Variants in CSMD3 observed in about 807,000 individuals in gnomAD.
CSMD3 encodes CUB and Sushi multiple domains 3, also known as CUB and sushi domain-containing protein 3.
Under a neutral mutation model 435.2 loss-of-function variants are expected in CSMD3, and 177 were observed. That is an observed-to-expected ratio of 0.41 (90% CI 0.36 to 0.46). The LOEUF is 0.46. Among genes scored for constraint, CSMD3 ranks in the 20% least tolerant of loss-of-function variants. The pLI is 0.34. For missense variants in CSMD3, 4,265 were observed against 4,504.6 expected, an observed-to-expected ratio of 0.95 and a Z score of 1.52; for synonymous variants, 1,656 against 1,520.5, an observed-to-expected ratio of 1.09 and a Z score of -2.07.
chr8:112,739,182 T>A (rs1465728789), intron 13 of CSMD3, among the ~76,000 whole-genome samples: 1 of 151,790 alleles, frequency 6.6e-6, no homozygotes, highest in East Asian at 1.9e-4. Flanking sequence ...AATAATAGAA[T>A]TTGAAATAGA....
chr8:113,230,024 C>A (rs758644431), intron 3 of CSMD3, among the ~76,000 whole-genome samples: 1 of 151,570 alleles, frequency 6.6e-6, no homozygotes, highest in Non-Finnish European at 1.5e-5. Context: ...AAAGAAAAAT[C>A]ATCAAGAGAT....
chr8:112,695,901 A>C (rs931799368), intron 13 of CSMD3, among the ~76,000 whole-genome samples: 3 of 152,210 alleles, frequency 2.0e-5, no homozygotes, highest in African/African-American at 7.2e-5. Context: ...ACACAAAACC[A>C]ATGTGCAAAA....
intron 69 of CSMD3, among the ~76,000 whole-genome samples, chr8:112,229,889 TA>T (rs60494083): frequency 0.17 from 23,471 of 141,376 alleles, 2,747 homozygotes; most frequent in African/African-American, 0.34. Context: ...CAGCCGAGAT[TA>T]AAAAAAAAAA....
intron 9 of CSMD3, among the ~76,000 whole-genome samples, chr8:112,922,544 C>G (rs1437962451): frequency 6.6e-6 from 1 of 151,876 alleles, no homozygotes; most frequent in Non-Finnish European, 1.5e-5. Flanking sequence ...ACCTTCCCAG[C>G]CTCTGGTAAC....
intron 35 of CSMD3, among the ~76,000 whole-genome samples, chr8:112,394,895 G>A (rs1015383627): frequency 1.3e-5 from 2 of 152,146 alleles, no homozygotes; most frequent in East Asian, 3.9e-4. Flanking sequence ...CATGCAGTAA[G>A]CACTCAATAA....
intron 7 of CSMD3, among the ~76,000 whole-genome samples, chr8:112,961,446 C>T (rs1483696255): frequency 2.6e-5 from 4 of 151,858 alleles, no homozygotes; most frequent in Non-Finnish European, 4.4e-5. Context: ...AGATTCTCCA[C>T]TAACAAGACC....
chr8:112,346,378 A>G (rs976114198), intron 40 of CSMD3, among the ~76,000 whole-genome samples, 165 bp from the exon 41 acceptor site: 2 of 152,232 alleles, frequency 1.3e-5, no homozygotes, highest in Non-Finnish European at 2.9e-5. Flanking sequence ...AATATAATCA[A>G]CAACAGATTT....
chr8:113,318,251 G>A (rs978349372), intron 1 of CSMD3, among the ~76,000 whole-genome samples: 2 of 152,040 alleles, frequency 1.3e-5, no homozygotes, highest in African/African-American at 4.8e-5. Flanking sequence ...CCTAATTCTG[G>A]CAACATTAGA....
rs190517512 is a variant in CSMD3 at position 113,106,359 on chromosome 8, A to T, written c.710-7396T>A. ...AAATACTCAATGGGCCTCATAGAAG[A>T]GTAGACAGTACAAAAGAAAACACAG... On this transcript the variant is annotated intron_variant, in intron 4 of 70. Coordinates refer to ENST00000297405, the MANE Select transcript of CSMD3 (RefSeq NM_198123.2). 6.8e-3 allele frequency among the ~76,000 whole-genome samples: 1,033 copies of T among 152,294 alleles called. 8 individuals are homozygous for T. Among genetic ancestry groups the T allele is most frequent in the Non-Finnish European group, 0.01 (691 of 68,026 alleles).
intron 4 of CSMD3, among the ~76,000 whole-genome samples, chr8:113,118,589 T>C (rs1175750448): frequency 6.7e-6 from 1 of 149,016 alleles, no homozygotes; most frequent in South Asian, 2.1e-4. Context: ...TTCAGCCCAG[T>C]AGGTCGAGGT....
At chr8:112,443,654 C>G (rs969828336) in intron 32 of CSMD3, among the ~76,000 whole-genome samples, 1 of 151,632 alleles carries the variant, frequency 6.6e-6, no homozygotes. Context: ...GAGAAAATGC[C>G]CTAGTTATCT....
chr8:112,313,934 G>A lies in CSMD3; in HGVS notation c.7668C>T (p.Asn2556=). 1 of 1,611,976 alleles carries A rather than the reference G, an allele frequency of 6.2e-7. No homozygotes were observed. The highest frequency in any genetic ancestry group is 8.5e-7 in the Non-Finnish European group (1 of 1,178,546). ...FLQWSADHGN[N]KKGFRIRYIA... ...TATATCTTATCCGGAAGCCTTTTTT[G>A]TTATTGCCATGATCTGCTGACCACT... The change falls in exon 49 of 71, where the codon AAC becomes AAT. Residue 2556 remains asparagine, a synonymous_variant. Coordinates refer to ENST00000297405, the MANE Select transcript of CSMD3 (RefSeq NM_198123.2).
intron 7 of CSMD3, 43 bp from the exon 8 acceptor site, chr8:112,954,804 T>C (rs2083952523): frequency 2.6e-6 from 3 of 1,170,834 alleles, no homozygotes; most frequent in Non-Finnish European, 3.8e-6. Context: ...GGAAATACAA[T>C]TTTAAAATGA....
chr8:112,389,578 G>A (rs947788577), intron 36 of CSMD3, among the ~76,000 whole-genome samples: 2 of 152,138 alleles, frequency 1.3e-5, no homozygotes, highest in African/African-American at 4.8e-5. Flanking sequence ...CACCTGTCAA[G>A]TAATTTTTAA....
At chr8:113,354,035 G>C (rs2094206113) in intron 1 of CSMD3, among the ~76,000 whole-genome samples, 1 of 152,092 alleles carries the variant, frequency 6.6e-6, no homozygotes, top group Non-Finnish European at 1.5e-5. Context: ...AGTGTACAAA[G>C]TTATAAATAT....
At chr8:112,904,803 C>T (rs916854792) in intron 10 of CSMD3, among the ~76,000 whole-genome samples, 4 of 151,152 alleles carry the variant, frequency 2.6e-5, no homozygotes, top group African/African-American at 9.7e-5. Context: ...TTAATGCATC[C>T]TAAAGTATCT....
chr8:112,237,735 CT>C (rs1284525759), intron 66 of CSMD3, among the ~76,000 whole-genome samples: 2 of 152,120 alleles, frequency 1.3e-5, no homozygotes, highest in South Asian at 2.1e-4. Context: ...AAGAGGCCTG[CT>C]TTTTTTCCAG....
chr8:113,267,648 A>C (rs2093482519), intron 3 of CSMD3, among the ~76,000 whole-genome samples: 1 of 151,582 alleles, frequency 6.6e-6, no homozygotes, highest in African/African-American at 2.4e-5. Context: ...GTACAAACTT[A>C]AGTTAGATAG....
chr8:113,099,646 A>C (rs973107225), intron 4 of CSMD3, among the ~76,000 whole-genome samples: 1 of 152,084 alleles, frequency 6.6e-6, no homozygotes, highest in African/African-American at 2.4e-5. Flanking sequence ...CTTTTTGACT[A>C]ACCTTACATT....
Sources: gnomAD v4.1 joint callset for allele counts (sites outside exome capture counted in the v4.1 genomes callset) on GRCh38, gnomAD v4.1.1 for gene constraint, MANE v1.5 for transcripts, NCBI Gene and HGNC (gene_info 2026-07-23, HGNC 2026-07-21) for gene names.